SCN9A: variants seen among roughly 807,000 people sequenced by gnomAD.
SCN9A encodes sodium channel protein type 9 subunit alpha.
Under a neutral mutation model 187.0 loss-of-function variants are expected in SCN9A, and 131 were observed. The observed-to-expected ratio is 0.70, with a 90% CI of 0.61 to 0.81. The LOEUF (loss-of-function observed/expected upper bound fraction) is 0.81. SCN9A is among the 30% of genes least tolerant of loss of function. The probability of loss-of-function intolerance (pLI) is 0.00; values close to 1 mark genes in which losing one functional copy is unlikely to be tolerated. For missense variants in SCN9A, 2,252 were observed against 2,396.6 expected (o/e 0.94, Z 1.26); for synonymous variants, 809 against 808.6 (o/e 1.00, Z -0.01).
intron 18 of SCN9A, among the ~76,000 whole-genome samples, chr2:166,246,174 TC>T (rs1411646274): frequency 6.6e-6 from 1 of 152,132 alleles, no homozygotes; most frequent in East Asian, 1.9e-4. Context: ...ATCATAGTCC[TC>T]TACTTGGCTT....
rs894233893 is a variant in SCN9A at position 166,368,630 on chromosome 2, C to A, written c.-51+7067G>T. ...CCTGGGCAACAGAGTGAAACCGGCA[C>A]ACCTTTACCTATGTAAAAAACCTGC... is the stretch of plus-strand genomic sequence containing the variant. On this transcript the variant is annotated intron_variant, in intron 1 of 26. Transcript: ENST00000642356. Among the ~76,000 whole-genome samples, 4 of 146,972 alleles carry A rather than the reference C, an allele frequency of 2.7e-5. No individual in the cohort carries two copies. In the East Asian group the frequency reaches 8.3e-4, roughly 30 times the overall value.
chr2:166,214,657 G>C (rs1479602883), intron 24 of SCN9A, among the ~76,000 whole-genome samples: 1 of 148,756 alleles, frequency 6.7e-6, no homozygotes, highest in Non-Finnish European at 1.5e-5. Context: ...TGGGACTACA[G>C]GCGCCCGCTA....
chr2:166,215,388 A>G (rs1159264953), intron 24 of SCN9A, among the ~76,000 whole-genome samples: 3 of 152,166 alleles, frequency 2.0e-5, no homozygotes, highest in Non-Finnish European at 4.4e-5. Context: ...CATCTTAGAG[A>G]TTAGAAAAAG....
chr2:166,305,094 T>C (rs976339538), intron 5 of SCN9A, among the ~76,000 whole-genome samples: 8 of 152,064 alleles, frequency 5.3e-5, no homozygotes, highest in Non-Finnish European at 1.2e-4. Context: ...TTAGGAATCT[T>C]AAGACCCTTC....
At position 166,361,172 on chromosome 2, in the gene SCN9A, C is replaced by A. The variant is rs554463637; in HGVS notation, c.-51+14525G>T. On this transcript the variant is annotated intron_variant, in intron 1 of 26. Transcript: ENST00000642356. ...TAGACACTGAATTTTAATAACTTAG[C>A]ACATTTCCTGTTACACTTTCAGTGC... Among the ~76,000 whole-genome samples the A allele has an allele frequency of 3.3e-5, 5 of 152,008 alleles. No homozygotes were observed. In the East Asian group the frequency reaches 9.7e-4, roughly 29 times the overall value.
At chr2:166,340,562 CTTTCTT>C (rs1420882627) in intron 1 of SCN9A, among the ~76,000 whole-genome samples, 1 of 77,432 alleles carries the variant, frequency 1.3e-5, no homozygotes. Flanking sequence ...TTCTTTCTTT[CTTTCTT>C]TCTTTCTTTC....
At chr2:166,214,429 A>G (rs1694231596) in intron 24 of SCN9A, among the ~76,000 whole-genome samples, 1 of 152,164 alleles carries the variant, frequency 6.6e-6, no homozygotes, top group African/African-American at 2.4e-5. Flanking sequence ...TCTTCAGCCT[A>G]AACAAGAGGA....
At chr2:166,315,396 G>A (rs1482662075) in intron 1 of SCN9A, among the ~76,000 whole-genome samples, 1 of 152,082 alleles carries the variant, frequency 6.6e-6, no homozygotes, top group African/African-American at 2.4e-5. Flanking sequence ...CAACCCCCAT[G>A]CACATGCTCA....
intron 14 of SCN9A, among the ~76,000 whole-genome samples, 166 bp from the exon 15 acceptor site, chr2:166,278,479 C>T (rs1697337122): frequency 2.0e-5 from 3 of 152,090 alleles, no homozygotes; most frequent in Admixed American, 1.3e-4. Flanking sequence ...AGGTATTGCT[C>T]TTCCCTGGCT....
At chr2:166,263,524 C>T (rs1410073872) in intron 17 of SCN9A, among the ~76,000 whole-genome samples, 1 of 151,966 alleles carries the variant, frequency 6.6e-6, no homozygotes, top group Non-Finnish European at 1.5e-5. Flanking sequence ...CCAAATTAAA[C>T]TCTGTATTTC....
At chr2:166,263,359 C>A (rs1367480568) in intron 17 of SCN9A, among the ~76,000 whole-genome samples, 1 of 151,958 alleles carries the variant, frequency 6.6e-6, no homozygotes, top group Non-Finnish European at 1.5e-5. Flanking sequence ...AGGGAACTGA[C>A]CCCTACACAA....
At chr2:166,254,348 A>T (rs1696172975) in intron 17 of SCN9A, among the ~76,000 whole-genome samples, 1 of 151,606 alleles carries the variant, frequency 6.6e-6, no homozygotes, top group Admixed American at 6.6e-5. Flanking sequence ...TATAAAATTA[A>T]ATGTTTATAA....
chr2:166,307,962 G>C (rs1698811526), intron 2 of SCN9A, among the ~76,000 whole-genome samples: 2 of 152,200 alleles, frequency 1.3e-5, no homozygotes, highest in African/African-American at 4.8e-5. Flanking sequence ...AGGGTTATCA[G>C]TGGGTTTCTG....
intron 20 of SCN9A, among the ~76,000 whole-genome samples, chr2:166,235,030 G>A (rs1415135156): frequency 2.6e-5 from 4 of 152,098 alleles, no homozygotes; most frequent in African/African-American, 9.7e-5. Context: ...GGACTCTCTG[G>A]TGTGCCCACC....
In SCN9A at chr2:166,209,311, G is replaced by A. The variant is rs1025021029; in HGVS notation, c.4399-4847C>T. Among the ~76,000 whole-genome samples, 9 of 152,200 alleles carry A rather than the reference G, an allele frequency of 5.9e-5. 1 individual carries two copies. The South Asian group carries it at 6.2e-4, about 11-fold the overall frequency. On this transcript the variant is annotated intron_variant, in intron 24 of 26. Transcript: ENST00000642356. ...CAACAAAAAGGGATAAAAGAAATCCGCAGTTACTGACCCTAAAGAAATAGA... is the reference window on the plus strand; with the variant it reads ...CAACAAAAAGGGATAAAAGAAATCCACAGTTACTGACCCTAAAGAAATAGA...
intron 1 of SCN9A, among the ~76,000 whole-genome samples, chr2:166,363,903 G>A (rs762435356): frequency 1.3e-5 from 2 of 151,960 alleles, no homozygotes; most frequent in African/African-American, 4.8e-5. Flanking sequence ...AAGTGAAAAG[G>A]CAATCCATAT....
chr2:166,368,766 T>A (rs975440342), intron 1 of SCN9A, among the ~76,000 whole-genome samples: 5 of 151,084 alleles, frequency 3.3e-5, no homozygotes, highest in African/African-American at 1.2e-4. Flanking sequence ...GGCGGGCAGA[T>A]CACCTGAACT....
chr2:166,270,627 T>C (rs891581635), intron 17 of SCN9A, among the ~76,000 whole-genome samples: 1 of 151,926 alleles, frequency 6.6e-6, no homozygotes. Flanking sequence ...TTTAATCTTA[T>C]GTATTGATTT....
rs1574883113 is a variant in SCN9A at position 166,293,282 on chromosome 2, T to C, written c.1056A>G (p.Leu352=). 1 of 1,598,604 alleles carries C rather than the reference T, an allele frequency of 6.3e-7. No homozygotes were observed. Among genetic ancestry groups the C allele is most frequent in the Admixed American group, 1.7e-5 (1 of 57,704 alleles). The change falls in exon 9 of 27, where the codon TTA becomes TTG. Residue 352 remains leucine (L), a synonymous_variant. Coordinates refer to ENST00000642356, the MANE Select transcript of SCN9A (RefSeq NM_001365536.1). The part of the protein sequence containing the change: ...TSFDTFSWAF[L]ALFRLMTQDY... Reference sequence around the variant, plus strand: ...CTTGGGTCATTAGCCTAAACAAGGCTAAGAAGGCCCAGCTGAAAGTGTCAA... The same window carrying C: ...CTTGGGTCATTAGCCTAAACAAGGCCAAGAAGGCCCAGCTGAAAGTGTCAA...
Sources: gnomAD v4.1 joint callset for allele counts (sites outside exome capture counted in the v4.1 genomes callset) on GRCh38, gnomAD v4.1.1 for gene constraint, MANE v1.5 for transcripts, NCBI Gene and HGNC (gene_info 2026-07-23, HGNC 2026-07-21) for gene names.